Variants in NEK11 observed in about 807,000 individuals in gnomAD.
NEK11 encodes serine/threonine-protein kinase Nek11.
Under a neutral mutation model 80.7 loss-of-function variants are expected in NEK11, and 72 were observed. The observed-to-expected ratio is 0.89, with a 90% confidence interval of 0.74 to 1.08. The LOEUF (loss-of-function observed/expected upper bound fraction) is 1.08, where lower values mean the gene tolerates loss of function less well. Ranked by LOEUF, NEK11 falls within the 50% of genes least tolerant of loss-of-function variation. The pLI is 0.00. For missense variants in NEK11, 764 were observed against 763.6 expected, an observed-to-expected ratio of 1.00 and a Z score of -0.01; for synonymous variants, 251 against 260.7, an observed-to-expected ratio of 0.96 and a Z score of 0.36.
chr3:131,190,230 G>A (rs935744892), intron 14 of NEK11, among the ~76,000 whole-genome samples: 11 of 152,108 alleles, frequency 7.2e-5, no homozygotes, highest in East Asian at 1.9e-4. Flanking sequence ...ACATGTGCCC[G>A]GCACTGTCCT....
intron 16 of NEK11, among the ~76,000 whole-genome samples, chr3:131,244,417 C>T (rs1008011888): frequency 1.3e-4 from 20 of 152,022 alleles, no homozygotes; most frequent in African/African-American, 4.3e-4. Flanking sequence ...CATTTAACAT[C>T]GAAGCATGAC....
intron 14 of NEK11, among the ~76,000 whole-genome samples, chr3:131,196,965 T>A (rs1426455459): frequency 6.6e-6 from 1 of 152,080 alleles, no homozygotes; most frequent in Non-Finnish European, 1.5e-5. Flanking sequence ...ATGCCTGGGT[T>A]TATAACCCAA....
intron 5 of NEK11, among the ~76,000 whole-genome samples, chr3:131,112,370 T>C (rs769363645): frequency 6.6e-6 from 1 of 152,116 alleles, no homozygotes; most frequent in South Asian, 2.1e-4. Flanking sequence ...AGTTCAAAAA[T>C]AGGCAAAACT....
intron 14 of NEK11, among the ~76,000 whole-genome samples, chr3:131,223,636 G>A (rs549592648): frequency 1.6e-4 from 25 of 152,312 alleles, no homozygotes; most frequent in African/African-American, 5.8e-4. Flanking sequence ...GCAGAGTTGG[G>A]TAGTTGTGAC....
rs763685598 is a variant in NEK11, at chr3:131,168,906, A to G, written c.1253A>G (p.Glu418Gly). 6.2e-7 allele frequency: 1 copy of G among 1,613,972 alleles called. No homozygotes were observed. The highest frequency in any genetic ancestry group is 2.2e-5 in the East Asian group (1 of 44,858). Residue 418 changes from glutamate (E) to glycine (G), a missense_variant, in exon 13 of 18, where the codon GAG becomes GGG. Physicochemically the swap from Glu to Gly is moderately conservative, Grantham distance 98 (BLOSUM62 -2). Transcript: ENST00000383366. ...EGRLSCSPQD[E>G]DEERWQGREE... ...AGACTTTCTTGTTCACCCCAGGACGAGGATGAAGAGAGGTGGCAAGGCAGG... is the reference window on the plus strand; with the variant it reads ...AGACTTTCTTGTTCACCCCAGGACGGGGATGAAGAGAGGTGGCAAGGCAGG...
intron 17 of NEK11, among the ~76,000 whole-genome samples, chr3:131,347,429 T>C (rs1218100165): frequency 2.6e-4 from 39 of 152,294 alleles, no homozygotes; most frequent in Admixed American, 9.8e-4. Context: ...TGACCAGCCT[T>C]TAAACCAGAG....
intron 14 of NEK11, among the ~76,000 whole-genome samples, chr3:131,181,000 T>A (rs1209612079): frequency 6.6e-6 from 1 of 152,182 alleles, no homozygotes; most frequent in African/African-American, 2.4e-5. Flanking sequence ...GTTACTATTG[T>A]AGGAAGAAGA....
chr3:131,088,883 C>T (rs1424732612), intron 4 of NEK11, among the ~76,000 whole-genome samples: 4 of 152,112 alleles, frequency 2.6e-5, no homozygotes, highest in Non-Finnish European at 4.4e-5. Context: ...TATGCAGTCT[C>T]TTAAAGTGCA....
rs112512233 is a variant in NEK11 at position 131,273,788 on chromosome 3, T to C, written c.1718+214T>C. Among the ~76,000 whole-genome samples the C allele has an allele frequency of 9.7e-3, 1,471 of 152,298 alleles. 17 individuals carry two copies. Among genetic ancestry groups the C allele is most frequent in the African/African-American group, 0.032 (1,317 of 41,562 alleles). ...TTAGGGAAGTTTGGCAAGAATTATT[T>C]TTCAGTTGATTTGCACTTATAGTAT... On this transcript the variant is annotated intron_variant, in intron 17 of 17. Transcript: ENST00000383366.
intron 4 of NEK11, among the ~76,000 whole-genome samples, chr3:131,099,061 A>G (rs561749802): frequency 5.3e-5 from 8 of 152,300 alleles, no homozygotes; most frequent in African/African-American, 1.7e-4. Flanking sequence ...ACCAATGTCA[A>G]GAAGGGCATT....
chr3:131,206,853 G>GCCCCAGTGTGTGATGTT (rs548654475), intron 14 of NEK11, among the ~76,000 whole-genome samples: 2,544 of 150,660 alleles, frequency 0.017, 67 homozygotes, highest in African/African-American at 0.059. Flanking sequence ...CCCACGACAG[G>GCCCCAGTGTGTGATGTT]CCCCACCCTG....
chr3:131,196,090 A>G (rs192817425), intron 14 of NEK11, among the ~76,000 whole-genome samples: 49 of 151,862 alleles, frequency 3.2e-4, no homozygotes, highest in Non-Finnish European at 6.0e-4. Flanking sequence ...TATTAGTACA[A>G]TATCTAGGTT....
At chr3:131,200,731 C>G (rs1374664550) in intron 14 of NEK11, among the ~76,000 whole-genome samples, 2 of 152,202 alleles carry the variant, frequency 1.3e-5, no homozygotes, top group Non-Finnish European at 2.9e-5. Context: ...CATTTCTTCC[C>G]TGCTATATAA....
chr3:131,261,165 G>A (rs2095911971), intron 16 of NEK11, among the ~76,000 whole-genome samples: 2 of 152,200 alleles, frequency 1.3e-5, no homozygotes, highest in South Asian at 2.1e-4. Context: ...AACTTTGCTG[G>A]TGAGAGACCA....
chr3:131,308,075 G>A (rs2096740401), intron 17 of NEK11, among the ~76,000 whole-genome samples: 1 of 152,218 alleles, frequency 6.6e-6, no homozygotes, highest in South Asian at 2.1e-4. Flanking sequence ...AATGCCCTTG[G>A]CTGATTTGAT....
In NEK11 at chr3:131,294,721, T is replaced by C. The variant is rs1205067419; in HGVS notation, c.1718+21147T>C. Among the ~76,000 whole-genome samples the C allele has an allele frequency of 3.3e-5, 5 of 152,274 alleles. No homozygotes were observed. In the East Asian group the frequency reaches 7.7e-4, roughly 23 times the overall value. On this transcript the variant is annotated intron_variant, in intron 17 of 17. Transcript: ENST00000383366. ...TCCTTTCAGTGCTGTCAGTTTTTGC[T>C]TCATGTATTTTGACACTCTGTTGTT...
intron 14 of NEK11, among the ~76,000 whole-genome samples, chr3:131,215,851 A>G (rs748991241): frequency 2.0e-5 from 3 of 152,182 alleles, no homozygotes; most frequent in African/African-American, 7.2e-5. Flanking sequence ...CAGAGCTTCA[A>G]AGAAATCTGG....
Position 131,302,297 on chromosome 3 carries a change from T to C in NEK11, c.1718+28723T>C, listed in dbSNP as rs79375722. Among the ~76,000 whole-genome samples the C allele has an allele frequency of 9.8e-3, 1,492 of 152,208 alleles. 21 individuals are homozygous for C. Among genetic ancestry groups the C allele is most frequent in the African/African-American group, 0.032 (1,332 of 41,532 alleles). ...TGGTGTATCAGTCTTATTTACTCTT[T>C]TAAAAAACCAACTCCTGAATTCATT... On this transcript the variant is annotated intron_variant, in intron 17 of 17. Coordinates refer to ENST00000383366, the MANE Select transcript of NEK11 (RefSeq NM_024800.5).
chr3:131,129,052 C>CTTT (rs759751535), intron 5 of NEK11, among the ~76,000 whole-genome samples: 2,332 of 109,512 alleles, frequency 0.021, 258 homozygotes, highest in African/African-American at 0.074. Flanking sequence ...GGATAACAGT[C>CTTT]TTTTTTTTTT....
Sources: gnomAD v4.1 joint callset for allele counts (sites outside exome capture counted in the v4.1 genomes callset) on GRCh38, gnomAD v4.1.1 for gene constraint, MANE v1.5 for transcripts, NCBI Gene and HGNC (gene_info 2026-07-23, HGNC 2026-07-21) for gene names.